Variants in SYT1 observed in about 807,000 individuals in gnomAD.
The protein encoded by SYT1 is synaptotagmin 1, also known as synaptotagmin-1.
Under a neutral mutation model 44.8 loss-of-function variants are expected in SYT1, and 8 were observed. The observed-to-expected ratio is 0.18, with a 90% confidence interval of 0.10 to 0.32. The LOEUF (loss-of-function observed/expected upper bound fraction) is 0.32. Ranked by LOEUF, SYT1 falls within the 10% of genes least tolerant of loss-of-function variation. The probability of loss-of-function intolerance (pLI) is 1.00; values close to 1 mark genes in which losing one functional copy is unlikely to be tolerated. For missense variants in SYT1, 286 were observed against 509.3 expected (o/e 0.56, Z 4.22); for synonymous variants, 154 against 188.8 (o/e 0.82, Z 1.51).
intron 1 of SYT1, among the ~76,000 whole-genome samples, chr12:78,972,738 T>C (rs1868471024): frequency 6.6e-6 from 1 of 151,916 alleles, no homozygotes; most frequent in Non-Finnish European, 1.5e-5. Context: ...CTTTGAGTTT[T>C]TATGAACTTA....
chr12:78,880,893 C>T (rs1279616531), intron 1 of SYT1, among the ~76,000 whole-genome samples: 1 of 151,604 alleles, frequency 6.6e-6, no homozygotes, highest in East Asian at 1.9e-4. Context: ...ATCATCCAAT[C>T]ACCTTCATCC....
At chr12:79,124,011 G>A (rs1037113676) in intron 3 of SYT1, among the ~76,000 whole-genome samples, 6 of 152,114 alleles carry the variant, frequency 3.9e-5, no homozygotes, top group Non-Finnish European at 1.5e-5. Context: ...CATACTATGC[G>A]CCAGGCACTG....
At position 78,999,662 on chromosome 12, in the gene SYT1, A is replaced by G. The variant is rs180859079; in HGVS notation, c.-84+21731A>G. Reference sequence around the variant, plus strand: ...TGTGTGTTTTAGAGAGGATAGGTACATGTAATGCAGGGTTCAGTGTAGCAC... The same window carrying G: ...TGTGTGTTTTAGAGAGGATAGGTACGTGTAATGCAGGGTTCAGTGTAGCAC... On this transcript the variant is annotated intron_variant, in intron 2 of 10. Coordinates refer to ENST00000261205, the MANE Select transcript of SYT1 (RefSeq NM_005639.3). Among the ~76,000 whole-genome samples the G allele has an allele frequency of 2.8e-3, 433 of 152,300 alleles. 3 individuals carry two copies. The highest frequency in any genetic ancestry group is 0.01 in the African/African-American group (422 of 41,568).
intron 9 of SYT1, among the ~76,000 whole-genome samples, chr12:79,362,818 GGCA>G (rs1428298753): frequency 1.3e-5 from 2 of 152,090 alleles, no homozygotes; most frequent in Non-Finnish European, 2.9e-5. Context: ...TGATCTCAAA[GGCA>G]CCTTTCTACT....
In SYT1 at chr12:79,327,884, A is replaced by G. The variant is rs574028391; in HGVS notation, c.811-25618A>G. 9.2e-5 allele frequency among the ~76,000 whole-genome samples: 14 copies of G among 152,198 alleles called. No individual in the cohort carries two copies. In the East Asian group the frequency reaches 2.5e-3, roughly 27 times the overall value. ...AGCATTGGAACATGTAAAGAACAAG[A>G]TGTCCAGATCTGATTATAATCTAGT... On this transcript the variant is annotated intron_variant, in intron 8 of 10. Coordinates refer to ENST00000261205, the MANE Select transcript of SYT1 (RefSeq NM_005639.3).
At chr12:78,910,076 T>C (rs1420802899) in intron 1 of SYT1, among the ~76,000 whole-genome samples, 1 of 151,970 alleles carries the variant, frequency 6.6e-6, no homozygotes, top group East Asian at 1.9e-4. Flanking sequence ...CAAGAATCAC[T>C]ACATTTCATA....
intron 1 of SYT1, among the ~76,000 whole-genome samples, chr12:78,956,477 C>G (rs1255231783): frequency 6.6e-6 from 1 of 151,804 alleles, no homozygotes; most frequent in Non-Finnish European, 1.5e-5. Context: ...TCTCTCCCTA[C>G]CCCTGCTAGA....
intron 9 of SYT1, among the ~76,000 whole-genome samples, chr12:79,390,493 ACAGTGCTTGCAGG>A (rs1007917019): frequency 6.6e-6 from 1 of 151,934 alleles, no homozygotes; most frequent in Non-Finnish European, 1.5e-5. Flanking sequence ...CACTCCCCTC[ACAGTGCTTGCAGG>A]CACCTCTTTT....
intron 1 of SYT1, among the ~76,000 whole-genome samples, chr12:78,947,648 G>T (rs781090017): frequency 3.3e-5 from 5 of 151,944 alleles, no homozygotes; most frequent in Non-Finnish European, 7.4e-5. Context: ...AGAAAAGCTA[G>T]AAATAGCTAA....
chr12:79,060,107 G>T (rs145236486), intron 3 of SYT1, among the ~76,000 whole-genome samples: 141 of 152,172 alleles, frequency 9.3e-4, no homozygotes, highest in African/African-American at 3.2e-3. Context: ...CTCAGAACCT[G>T]ACACAGCGAA....
At chr12:79,261,884 T>A (rs1314874967) in intron 4 of SYT1, among the ~76,000 whole-genome samples, 1 of 152,102 alleles carries the variant, frequency 6.6e-6, no homozygotes, top group African/African-American at 2.4e-5. Flanking sequence ...CCATGAAGAG[T>A]GGAAGTAATA....
At chr12:78,997,088 G>T (rs1272168020) in intron 2 of SYT1, among the ~76,000 whole-genome samples, 1 of 152,208 alleles carries the variant, frequency 6.6e-6, no homozygotes, top group East Asian at 1.9e-4. Context: ...GTCTCTTAGA[G>T]GCCCAACAGC....
At chr12:78,882,588 G>A (rs1367659951) in intron 1 of SYT1, among the ~76,000 whole-genome samples, 2 of 151,716 alleles carry the variant, frequency 1.3e-5, no homozygotes, top group African/African-American at 4.8e-5. Flanking sequence ...AACTCTGCGT[G>A]GTAGAGAGAT....
At chr12:79,024,688 C>T (rs1236269768) in intron 2 of SYT1, among the ~76,000 whole-genome samples, 1 of 151,712 alleles carries the variant, frequency 6.6e-6, no homozygotes, top group Non-Finnish European at 1.5e-5. Context: ...TTCTAGGGTA[C>T]ATTCTGTTGT....
chr12:79,178,270 T>G (rs577277409), intron 3 of SYT1, among the ~76,000 whole-genome samples: 6 of 152,188 alleles, frequency 3.9e-5, no homozygotes, highest in Admixed American at 2.0e-4. Context: ...CTGTGAAGAC[T>G]GTTCTCTTCC....
intron 3 of SYT1, among the ~76,000 whole-genome samples, chr12:79,064,031 C>T (rs972462129): frequency 1.3e-5 from 2 of 152,094 alleles, no homozygotes; most frequent in Admixed American, 1.3e-4. Flanking sequence ...CCCTCCTTAT[C>T]CCTACCATTC....
At chr12:79,070,499 T>C (rs952616030) in intron 3 of SYT1, among the ~76,000 whole-genome samples, 3 of 152,170 alleles carry the variant, frequency 2.0e-5, no homozygotes, top group Admixed American at 6.6e-5. Context: ...TTCTTTGCTA[T>C]TGTGAATCCA....
At chr12:79,358,717 G>T (rs1403224726) in intron 9 of SYT1, among the ~76,000 whole-genome samples, 2 of 152,144 alleles carry the variant, frequency 1.3e-5, no homozygotes, top group African/African-American at 2.4e-5. Flanking sequence ...AGATGGGAGA[G>T]CAAGGATTCC....
At chr12:78,931,207 GAAAGAAAGAAAGAAAGAAAGAAA>G (rs1877636963) in intron 1 of SYT1, among the ~76,000 whole-genome samples, 1 of 42,702 alleles carries the variant, frequency 2.3e-5, no homozygotes, top group African/African-American at 1.3e-4. Context: ...AAGAAAGAAA[GAAAGAAAGAAAGAAAGAAAGAAA>G]GAAAGAAAGA....
Sources: allele counts gnomAD v4.1 joint callset (sites outside exome capture counted in the v4.1 genomes callset), GRCh38; gene constraint gnomAD v4.1.1; transcripts MANE v1.5; gene names NCBI Gene and HGNC (gene_info 2026-07-23, HGNC 2026-07-21).